Variants in ZBTB40 observed in about 807,000 individuals in gnomAD.
ZBTB40 encodes the protein zinc finger and BTB domain-containing protein 40.
Under a neutral mutation model 117.5 loss-of-function variants are expected in ZBTB40, and 60 were observed. The ratio of observed to expected loss-of-function variants is 0.51; its 90% CI spans 0.41 to 0.63. The LOEUF (loss-of-function observed/expected upper bound fraction) is 0.63, where lower values mean the gene tolerates loss of function less well. Ranked by LOEUF, ZBTB40 falls within the 30% of genes least tolerant of loss-of-function variation. The pLI is 0.00. For synonymous variants in ZBTB40, 525 were observed against 577.1 expected (o/e 0.91, Z 1.29); for missense variants, 1,287 against 1,498.5 (o/e 0.86, Z 2.33).
At position 22,502,385 on chromosome 1, in the gene ZBTB40, A is replaced by G. The variant is rs534603828; in HGVS notation, c.1111A>G (p.Ile371Val). Reference protein sequence around the residue: ...LIQCVTQLRPIMESLETAKEE... With the variant: ...LIQCVTQLRPVMESLETAKEE... ...ACAGTGTGTAACACAGCTGAGACCTATTATGGAGTCCCTGGAAACAGCCAA... is the reference window on the plus strand; with the variant it reads ...ACAGTGTGTAACACAGCTGAGACCTGTTATGGAGTCCCTGGAAACAGCCAA... The change falls in exon 5 of 18, where the codon ATT becomes GTT. Residue 371 changes from isoleucine (I) to valine (V), a missense_variant. Transcript: ENST00000375647. 33 of 1,614,000 alleles carry G rather than the reference A, an allele frequency of 2.0e-5. No homozygotes were observed. The South Asian group carries it at 2.1e-4, about 10-fold the overall frequency.
chr1:22,511,850 C>G lies in ZBTB40; in HGVS notation c.2177C>G (p.Ser726Ter). ...SLPGQQEKEASASPDPAKKSF... is the reference protein window; with the variant it reads ...SLPGQQEKEA ...CCAGGACAGCAAGAGAAAGAGGCTT[C>G]AGCCTCCCCAGACCCTGCCAAGAAG... Residue 726 changes from serine to a stop codon, truncating the protein, a stop_gained, in exon 11 of 18, where the codon TCA (serine) becomes TGA (stop). Coordinates refer to ENST00000375647, the MANE Select transcript of ZBTB40 (RefSeq NM_014870.4). LOFTEE classifies it high-confidence loss of function. 6.2e-7 allele frequency: 1 copy of G among 1,614,198 alleles called. No individual in the cohort carries two copies. The highest frequency in any genetic ancestry group is 8.5e-7 in the Non-Finnish European group (1 of 1,180,028).
At chr1:22,471,250 T>C (rs1436478600) in intron 1 of ZBTB40, among the ~76,000 whole-genome samples, 1 of 152,166 alleles carries the variant, frequency 6.6e-6, no homozygotes, top group Non-Finnish European at 1.5e-5. Flanking sequence ...ATCCATCCTT[T>C]AGCAGAGACC....
chr1:22,442,861 A>G lies in ZBTB40; in HGVS notation c.-70+13847A>G, dbSNP rs569482157. Reference sequence around the variant, plus strand: ...AAGTCTCCAACTGTATTGAAGAACTATATCATTCTCCCTTCAATTCCGTCC... The same window carrying G: ...AAGTCTCCAACTGTATTGAAGAACTGTATCATTCTCCCTTCAATTCCGTCC... On this transcript the variant is annotated intron_variant, in intron 1 of 8. Coordinates refer to the ZBTB40 transcript ENST00000650433. 7.2e-5 allele frequency among the ~76,000 whole-genome samples: 11 copies of G among 152,316 alleles called. No homozygotes were observed. The South Asian group carries it at 2.3e-3, about 32-fold the overall frequency.
chr1:22,520,777 A>C (rs1315212286), intron 14 of ZBTB40, among the ~76,000 whole-genome samples: 3 of 152,238 alleles, frequency 2.0e-5, no homozygotes, highest in African/African-American at 7.2e-5. Context: ...GAAGCTTTAA[A>C]ACTACAGAGA....
intron 9 of ZBTB40, among the ~76,000 whole-genome samples, chr1:22,510,171 A>G (rs1216339168): frequency 3.3e-5 from 5 of 152,206 alleles, no homozygotes; most frequent in African/African-American, 1.2e-4. Flanking sequence ...GGGGAAGAAC[A>G]AGAAAGGAAC....
intron 1 of ZBTB40, among the ~76,000 whole-genome samples, chr1:22,446,083 GA>G (rs1640785656): frequency 6.6e-6 from 1 of 152,048 alleles, no homozygotes; most frequent in Admixed American, 6.6e-5. Context: ...TTCTAAGAAA[GA>G]ACCAACAAGA....
intron 1 of ZBTB40, among the ~76,000 whole-genome samples, chr1:22,460,085 T>A (rs943722696): frequency 5.3e-5 from 8 of 152,206 alleles, no homozygotes; most frequent in Admixed American, 5.2e-4. Flanking sequence ...AAGCTCATCC[T>A]ATTATATTGT....
chr1:22,490,300 A>G lies in ZBTB40; in HGVS notation c.352A>G (p.Asn118Asp), dbSNP rs1271484646. ...SCKNLLTSLV[N>D]CSVQGQVVRD... ...CAAAAATCTTCTGACCAGCCTTGTA[A>G]ACTGCTCGGTTCAGGGTCAGGTGGT... Residue 118 changes from asparagine to aspartate, a missense_variant, in exon 2 of 18, where the codon AAC (asparagine) becomes GAC (aspartate). Asn to Asp is a conservative substitution (Grantham distance 23, BLOSUM62 1). Around this residue, in one of 2 missense-constraint regions of ZBTB40, gnomAD observed 870 missense variants for 934.4 expected, o/e 0.93. Coordinates refer to ENST00000375647, the MANE Select transcript of ZBTB40 (RefSeq NM_014870.4). 6.2e-7 allele frequency: 1 copy of G among 1,614,004 alleles called. No homozygotes were observed. Among genetic ancestry groups the G allele is most frequent in the Non-Finnish European group, 8.5e-7 (1 of 1,180,024 alleles).
At chr1:22,453,334 T>C (rs61769193) in intron 1 of ZBTB40, among the ~76,000 whole-genome samples, 48,832 of 152,126 alleles carry the variant, frequency 0.32, 8,424 homozygotes, top group Non-Finnish European at 0.39. Flanking sequence ...ACCCCATGCA[T>C]GTACGCATGC....
rs1232174458 is a variant in ZBTB40 at position 22,482,009 on chromosome 1, A to G, written c.-69-7871A>G. On this transcript the variant is annotated intron_variant, in intron 1 of 17. Coordinates refer to ENST00000375647, the MANE Select transcript of ZBTB40 (RefSeq NM_014870.4). ...TATGGAATTTTCCCCTCCTCTTTCC[A>G]TAAAACACCAAGAGATAAAAATTCC... is the stretch of plus-strand genomic sequence containing the variant. 3.3e-5 allele frequency among the ~76,000 whole-genome samples: 5 copies of G among 152,034 alleles called. No individual in the cohort carries two copies. The East Asian group carries it at 7.7e-4, about 23-fold the overall frequency.
rs1000526125 is a variant in ZBTB40, at chr1:22,526,780, A to G, written c.*384A>G. 1 of 318,588 alleles carries G rather than the reference A, an allele frequency of 3.1e-6. No homozygotes were observed. Among genetic ancestry groups the G allele is most frequent in the Non-Finnish European group, 6.2e-6 (1 of 162,018 alleles). 19.7% of individuals were successfully genotyped at this position (318,588 alleles called of 1,614,324 possible). A position where few individuals can be genotyped will look rare whatever the true frequency, so the allele number is the denominator to read the frequency against. On this transcript the variant is annotated 3_prime_UTR_variant, in exon 18 of 18. Coordinates refer to ENST00000375647, the MANE Select transcript of ZBTB40 (RefSeq NM_014870.4). The stretch of plus-strand genomic sequence containing the variant: ...GTGCCGACAGCGCTCAGTGGGCAGA[A>G]TGGCAGTTAGATATGGGACTTGGCC...
At chr1:22,448,980 T>C (rs1368766020), upstream of ZBTB40, among the ~76,000 whole-genome samples, 1 of 151,842 alleles carries the variant, frequency 6.6e-6, no homozygotes, top group African/African-American at 2.4e-5. Flanking sequence ...GCCCAACTAA[T>C]TTTTTTTGTA....
Position 22,511,221 on chromosome 1 carries a change from C to T in ZBTB40, c.1876C>T (p.Leu626=). The part of the protein sequence containing the change: ...PSETASPEAS[L]RAVLSRAMEK... ...TGAGACAGCCAGCCCTGAAGCTTCC[C>T]TGAGAGCAGTGCTGAGCAGAGCCAT... Residue 626 remains leucine, a synonymous_variant, in exon 10 of 18, where the codon CTG becomes TTG. Coordinates refer to ENST00000375647, the MANE Select transcript of ZBTB40 (RefSeq NM_014870.4). 6.2e-7 allele frequency: 1 copy of T among 1,613,868 alleles called. No individual in the cohort carries two copies. The highest frequency in any genetic ancestry group is 8.5e-7 in the Non-Finnish European group (1 of 1,179,972).
At chr1:22,490,878 T>C (rs1638610683) in intron 2 of ZBTB40, among the ~76,000 whole-genome samples, 1 of 152,120 alleles carries the variant, frequency 6.6e-6, no homozygotes, top group Admixed American at 6.5e-5. Context: ...ATTTCGATAA[T>C]TATCTGTTTC....
At chr1:22,474,545 C>G (rs1210453493) in intron 1 of ZBTB40, among the ~76,000 whole-genome samples, 4 of 152,186 alleles carry the variant, frequency 2.6e-5, no homozygotes, top group Non-Finnish European at 5.9e-5. Context: ...AGATACCTTA[C>G]ATTTTAAGTC....
At chr1:22,523,822 A>G (rs1639603639) in intron 16 of ZBTB40, among the ~76,000 whole-genome samples, 1 of 152,218 alleles carries the variant, frequency 6.6e-6, no homozygotes, top group Non-Finnish European at 1.5e-5. Flanking sequence ...GCCTTAGCCC[A>G]CAGAAGTCAT....
chr1:22,527,120 T>A lies in ZBTB40; in HGVS notation c.*724T>A, dbSNP rs1452740026. 6.5e-6 allele frequency: 1 copy of A among 153,292 alleles called. No individual in the cohort carries two copies. The highest frequency in any genetic ancestry group is 2.4e-5 in the African/African-American group (1 of 41,462). The allele number at this position is 153,292 out of a possible 1,614,324, so 9.5% of individuals were successfully genotyped here. Reference sequence around the variant, plus strand: ...GAGGCATCAGCTGCTAGACAGTGTCTGCCTTTCCAGGACATTCTTCTTGGT... The same window carrying A: ...GAGGCATCAGCTGCTAGACAGTGTCAGCCTTTCCAGGACATTCTTCTTGGT... On this transcript the variant is annotated 3_prime_UTR_variant, in exon 18 of 18. Transcript: ENST00000375647.
chr1:22,490,194 A>G lies in ZBTB40; in HGVS notation c.246A>G (p.Lys82=), dbSNP rs115103344. 1,541 of 1,614,170 alleles carry G rather than the reference A, an allele frequency of 9.5e-4. 7 individuals carry two copies. The African/African-American group carries it at 0.018, about 19-fold the overall frequency. Reference sequence around the variant, plus strand: ...TGTTGGAAATGATGTACACGGGCAAACTACCTGTGGGCAAGCACAACTTCT... The same window carrying G: ...TGTTGGAAATGATGTACACGGGCAAGCTACCTGTGGGCAAGCACAACTTCT... ...ALLLEMMYTG[K]LPVGKHNFSK... The change falls in exon 2 of 18, where the codon AAA becomes AAG. Residue 82 remains lysine, a synonymous_variant. Coordinates refer to ENST00000375647, the MANE Select transcript of ZBTB40 (RefSeq NM_014870.4).
At chr1:22,509,357 T>C in intron 9 of ZBTB40, 124 bp downstream of exon 9, 2 of 1,415,496 alleles carry the variant, frequency 1.4e-6, no homozygotes, top group Middle Eastern at 2.5e-4. Context: ...TTTTCCTTTT[T>C]CTCTTTTGAG....
Sources: gnomAD v4.1 joint callset for allele counts (sites outside exome capture counted in the v4.1 genomes callset) on GRCh38, gnomAD v4.1.1 for gene constraint, gnomAD v4.1.1 regional missense constraint, MANE v1.5 for transcripts, NCBI Gene and HGNC (gene_info 2026-07-23, HGNC 2026-07-21) for gene names.